RHEX: variants seen among roughly 807,000 people sequenced by gnomAD.
RHEX encodes regulator of hemoglobinization and erythroid cell expansion, also known as regulator of hemoglobinization and erythroid cell expansion protein.
RHEX carries 18 observed loss-of-function variants against 20.1 expected under a neutral mutation model. That is an observed-to-expected ratio of 0.90 (90% confidence interval 0.62 to 1.33). The LOEUF is 1.33. Among genes scored for constraint, RHEX ranks in the 40% most tolerant of loss-of-function variants. RHEX has a pLI of 0.00. For synonymous variants in RHEX, 87 were observed against 77.1 expected (o/e 1.13, Z -0.67); for missense variants, 192 against 214.3 (o/e 0.90, Z 0.65).
intron 1 of RHEX, among the ~76,000 whole-genome samples, chr1:206,083,855 T>C (rs1329300796): frequency 2.0e-5 from 3 of 152,206 alleles, no homozygotes; most frequent in Non-Finnish European, 4.4e-5. Flanking sequence ...ACCTGACATC[T>C]GTCTACACTA....
At chr1:206,062,637 T>C (rs540959673) in intron 1 of RHEX, among the ~76,000 whole-genome samples, 22 of 151,474 alleles carry the variant, frequency 1.5e-4, no homozygotes, top group African/African-American at 5.4e-4. Flanking sequence ...GGAGGAGGCA[T>C]AGGGGGGCTG....
At chr1:206,066,071 T>C (rs1347586515) in intron 1 of RHEX, among the ~76,000 whole-genome samples, 1 of 152,210 alleles carries the variant, frequency 6.6e-6, no homozygotes, top group Non-Finnish European at 1.5e-5. Flanking sequence ...AGATTCTCAT[T>C]CAAATCAGTA....
At chr1:206,076,405 A>G (rs553550173) in intron 1 of RHEX, among the ~76,000 whole-genome samples, 83 of 152,338 alleles carry the variant, frequency 5.4e-4, no homozygotes, top group African/African-American at 2.0e-3. Context: ...GGCTCAAGCG[A>G]TCCACCCTCC....
intron 1 of RHEX, among the ~76,000 whole-genome samples, chr1:206,090,083 C>G (rs1405262998): frequency 6.6e-6 from 1 of 151,532 alleles, no homozygotes; most frequent in African/African-American, 2.4e-5. Flanking sequence ...CCTCCACTTG[C>G]TTTGTGAACT....
intron 1 of RHEX, among the ~76,000 whole-genome samples, chr1:206,072,559 C>A (rs1476779813): frequency 6.6e-6 from 1 of 152,042 alleles, no homozygotes; most frequent in Non-Finnish European, 1.5e-5. Context: ...CTGGGCAACA[C>A]AGCAAGACTC....
chr1:206,062,600 A>G (rs1162717592), intron 1 of RHEX, among the ~76,000 whole-genome samples: 1 of 152,144 alleles, frequency 6.6e-6, no homozygotes, highest in Non-Finnish European at 1.5e-5. Flanking sequence ...GCACAATACA[A>G]CTGCTGGACA....
intron 1 of RHEX, among the ~76,000 whole-genome samples, chr1:206,064,853 A>C (rs1355516467): frequency 1.3e-5 from 2 of 152,100 alleles, no homozygotes; most frequent in African/African-American, 4.8e-5. Context: ...AGGTGGGGAA[A>C]AGATTGAGAA....
chr1:206,074,314 T>C (rs1296708646), intron 1 of RHEX, among the ~76,000 whole-genome samples: 3 of 152,226 alleles, frequency 2.0e-5, no homozygotes, highest in Admixed American at 2.0e-4. Flanking sequence ...CTTCTTCAAC[T>C]CTGTATCCCA....
intron 1 of RHEX, among the ~76,000 whole-genome samples, chr1:206,068,244 A>C (rs1366380432): frequency 6.6e-6 from 1 of 152,220 alleles, no homozygotes; most frequent in Non-Finnish European, 1.5e-5. Context: ...AAGTAGGTTC[A>C]AGACCAAATA....
chr1:206,082,546 A>G (rs1259028146), intron 1 of RHEX, among the ~76,000 whole-genome samples: 1 of 152,034 alleles, frequency 6.6e-6, no homozygotes, highest in Non-Finnish European at 1.5e-5. Flanking sequence ...AATAGCTACC[A>G]TCTGTTGTTC....
At chr1:206,096,512 G>A (rs1328950548) in intron 1 of RHEX, among the ~76,000 whole-genome samples, 1 of 152,246 alleles carries the variant, frequency 6.6e-6, no homozygotes, top group Non-Finnish European at 1.5e-5. Flanking sequence ...TTGTGCAGCT[G>A]CCCTGGCAGG....
chr1:206,069,220 G>A (rs537926116), intron 1 of RHEX, among the ~76,000 whole-genome samples: 1 of 152,332 alleles, frequency 6.6e-6, no homozygotes, highest in Non-Finnish European at 1.5e-5. Flanking sequence ...TGGGGAACAT[G>A]CTACTGGCAT....
intron 1 of RHEX, among the ~76,000 whole-genome samples, chr1:206,090,914 C>T (rs189237087): frequency 9.5e-4 from 145 of 152,226 alleles, no homozygotes; most frequent in East Asian, 2.1e-3. Flanking sequence ...ACTGAGCAAT[C>T]TCATTAATTC....
Position 206,090,715 on chromosome 1 carries a change from G to A in RHEX, c.-96-7018G>A, listed in dbSNP as rs578106400. ...ATCTTTTTATGAGTTTGTCTTTCAT[G>A]TCTCTCAATAAATTTTTATTATTTT... is the stretch of plus-strand genomic sequence containing the variant. On this transcript the variant is annotated intron_variant, in intron 1 of 5. Transcript: ENST00000331555. Among the ~76,000 whole-genome samples, 8 of 151,680 alleles carry A rather than the reference G, an allele frequency of 5.3e-5. No individual in the cohort carries two copies. In the South Asian group the frequency reaches 1.3e-3, roughly 24 times the overall value.
At chr1:206,081,223 G>T (rs1456989488) in intron 1 of RHEX, among the ~76,000 whole-genome samples, 2 of 152,216 alleles carry the variant, frequency 1.3e-5, no homozygotes, top group Non-Finnish European at 2.9e-5. Flanking sequence ...ATGTAACACA[G>T]CACCTTAATT....
chr1:206,082,989 G>C (rs1228640437), intron 1 of RHEX, among the ~76,000 whole-genome samples: 1 of 152,156 alleles, frequency 6.6e-6, no homozygotes, highest in Non-Finnish European at 1.5e-5. Flanking sequence ...CCCACAAACT[G>C]TAACAGCCAT....
At position 206,097,619 on chromosome 1, in the gene RHEX, G is replaced by C. The variant is rs1019727270; in HGVS notation, c.-96-114G>C. On this transcript the variant is annotated intron_variant, in intron 1 of 5. Coordinates refer to ENST00000331555, the MANE Select transcript of RHEX (RefSeq NM_001007544.4). ...TGTAGGAAAGTGGGGACTGAAGCAA[G>C]TATGATGAATAAACTGGGCATGTGT... The C allele has an allele frequency of 2.7e-5, 17 of 640,580 alleles. No individual in the cohort carries two copies. The African/African-American group carries it at 2.7e-4, about 10-fold the overall frequency. The allele number at this position is 640,580 out of a possible 1,614,324, so 39.7% of individuals were successfully genotyped here.
chr1:206,093,187 A>C (rs1553287237), intron 1 of RHEX, among the ~76,000 whole-genome samples: 1 of 152,256 alleles, frequency 6.6e-6, no homozygotes, highest in East Asian at 1.9e-4. Flanking sequence ...ACAGCAAAGA[A>C]AGTTTACAGC....
intron 1 of RHEX, among the ~76,000 whole-genome samples, chr1:206,059,823 C>A (rs1209482774): frequency 2.0e-5 from 3 of 152,106 alleles, no homozygotes; most frequent in Non-Finnish European, 2.9e-5. Flanking sequence ...GAAATTCTTT[C>A]CTGGTGTGAA....
Sources: allele counts gnomAD v4.1 joint callset (sites outside exome capture counted in the v4.1 genomes callset), GRCh38; gene constraint gnomAD v4.1.1; transcripts MANE v1.5; gene names NCBI Gene and HGNC (gene_info 2026-07-23, HGNC 2026-07-21).